The following RNF144B variants were observed in gnomAD, a reference collection of about 807,000 sequenced individuals.
RNF144B encodes ring finger protein 144B.
Under a neutral mutation model 40.2 loss-of-function variants are expected in RNF144B, and 25 were observed. The ratio of observed to expected loss-of-function variants is 0.62; its 90% CI spans 0.45 to 0.87. The LOEUF (loss-of-function observed/expected upper bound fraction) is 0.87. Among genes scored for constraint, RNF144B ranks in the 40% least tolerant of loss-of-function variants. The pLI, the probability that RNF144B is intolerant of heterozygous loss-of-function variation, is 0.00. For missense variants in RNF144B, 365 were observed against 373.7 expected, an observed-to-expected ratio of 0.98 and a Z score of 0.19; for synonymous variants, 145 against 136.3, an observed-to-expected ratio of 1.06 and a Z score of -0.44.
At chr6:18,445,672 G>A (rs1759065864) in intron 4 of RNF144B, among the ~76,000 whole-genome samples, 1 of 152,044 alleles carries the variant, frequency 6.6e-6, no homozygotes, top group African/African-American at 2.4e-5. Flanking sequence ...CTATTATTTA[G>A]GGGCTGACTT....
rs1562059264 is a variant in RNF144B, at chr6:18,456,433, C to CT, written c.332-717dup. Among the ~76,000 whole-genome samples the CT allele has an allele frequency of 6.6e-6, 1 of 152,188 alleles. No individual in the cohort carries two copies. Among genetic ancestry groups the CT allele is most frequent in the Non-Finnish European group, 1.5e-5 (1 of 68,022 alleles). On this transcript the variant is annotated intron_variant, in intron 4 of 7. Transcript: ENST00000259939. This position sits in a 1 kb window ranked among gnomAD's most constrained non-coding sequence, Gnocchi z 4.7. The stretch of plus-strand genomic sequence containing the variant: ...TTCTCAGTGCCTGAAAGGACAAAGT[C>CT]TTTTTGGAAAAATATCTTATTAAAA...
intron 3 of RNF144B, among the ~76,000 whole-genome samples, chr6:18,435,619 G>A (rs1758799230): frequency 6.6e-6 from 1 of 152,134 alleles, no homozygotes; most frequent in Non-Finnish European, 1.5e-5. Flanking sequence ...CAAGGTAATT[G>A]TTAATTCCAA....
In RNF144B at chr6:18,465,277, T is replaced by C; in HGVS notation, c.*210T>C. On this transcript the variant is annotated 3_prime_UTR_variant, in exon 8 of 8. Transcript: ENST00000259939. ...GTGTAACAAGAACTGGGCTCAACGG[T>C]CCAGCTGTTTCTATGGAGCTTTGGG... 1 of 573,258 alleles carries C rather than the reference T, an allele frequency of 1.7e-6. No individual in the cohort carries two copies. The highest frequency in any genetic ancestry group is 3.1e-6 in the Non-Finnish European group (1 of 322,500). The allele number at this position is 573,258 out of a possible 1,614,324, so 35.5% of individuals were successfully genotyped here. A position where few individuals can be genotyped will look rare whatever the true frequency, so the allele number is the denominator to read the frequency against.
chr6:18,431,644 G>A (rs1260757017), intron 3 of RNF144B, among the ~76,000 whole-genome samples: 1 of 152,204 alleles, frequency 6.6e-6, no homozygotes, highest in Non-Finnish European at 1.5e-5. Flanking sequence ...TACTTTGCTT[G>A]TTAAAAATAA....
rs1033461525 is a variant in RNF144B, at chr6:18,444,488, G to A, written c.331+4744G>A. 6.6e-6 allele frequency among the ~76,000 whole-genome samples: 1 copy of A among 152,062 alleles called. No homozygotes were observed. The highest frequency in any genetic ancestry group is 1.5e-5 in the Non-Finnish European group (1 of 68,006). On this transcript the variant is annotated intron_variant, in intron 4 of 7. Transcript: ENST00000259939. This position sits in a 1 kb window ranked among gnomAD's most constrained non-coding sequence, Gnocchi z 4.3. ...AGTTTTTTTTTGAAAATTGGGTTAA[G>A]ATGATCCATCTTGAGTTCTTACGCA...
rs1759129283 is a variant in RNF144B, at chr6:18,448,318, A to G, written c.331+8574A>G. Among the ~76,000 whole-genome samples the G allele has an allele frequency of 6.6e-6, 1 of 152,026 alleles. No individual in the cohort carries two copies. The highest frequency in any genetic ancestry group is 1.5e-5 in the Non-Finnish European group (1 of 68,002). On this transcript the variant is annotated intron_variant, in intron 4 of 7. Transcript: ENST00000259939. This position sits in a 1 kb window ranked among gnomAD's most constrained non-coding sequence, Gnocchi z 4.0. Reference sequence around the variant, plus strand: ...ATTTACTTGGGGGTAGGTTTAGGTCATCTCTATCAGGAAAGAAGGTGGAGA... The same window carrying G: ...ATTTACTTGGGGGTAGGTTTAGGTCGTCTCTATCAGGAAAGAAGGTGGAGA...
chr6:18,424,069 TTTTC>T (rs1157965471), intron 2 of RNF144B, among the ~76,000 whole-genome samples: 4 of 152,254 alleles, frequency 2.6e-5, no homozygotes, highest in Non-Finnish European at 4.4e-5. Context: ...TTTGTTTTCA[TTTTC>T]TTTGTTTCTC....
chr6:18,411,065 A>G (rs1330372590), intron 2 of RNF144B, among the ~76,000 whole-genome samples: 1 of 150,740 alleles, frequency 6.6e-6, no homozygotes, highest in Non-Finnish European at 1.5e-5. Context: ...GCTCACTGCA[A>G]CCTCCGCCTC....
At chr6:18,439,803 A>G (rs911307185) in intron 4 of RNF144B, 59 bp downstream of exon 4, 19 of 1,143,782 alleles carry the variant, frequency 1.7e-5, no homozygotes, top group Admixed American at 1.5e-4. Context: ...TCATTTTTAC[A>G]CTAACCCACA....
intron 3 of RNF144B, among the ~76,000 whole-genome samples, chr6:18,438,897 TTTAAG>T (rs1409135203): frequency 1.3e-5 from 2 of 152,186 alleles, no homozygotes; most frequent in African/African-American, 4.8e-5. Context: ...TATATAAATC[TTTAAG>T]TTATGTCAAT....
At position 18,405,670 on chromosome 6, in the gene RNF144B, A is replaced by G. The variant is rs776671273; in HGVS notation, c.165+5971A>G. Among the ~76,000 whole-genome samples the G allele has an allele frequency of 2.0e-5, 3 of 152,198 alleles. No individual in the cohort carries two copies. Among genetic ancestry groups the G allele is most frequent in the African/African-American group, 7.2e-5 (3 of 41,440 alleles). On this transcript the variant is annotated intron_variant, in intron 2 of 7. Transcript: ENST00000259939. This position sits in a 1 kb window ranked among gnomAD's most constrained non-coding sequence, Gnocchi z 4.5. Reference sequence around the variant, plus strand: ...TTACAATGCCGATTTTATTGGCACTATATTTTTCCACTGACAACGGAGCCA... The same window carrying G: ...TTACAATGCCGATTTTATTGGCACTGTATTTTTCCACTGACAACGGAGCCA...
rs144227509 is a variant in RNF144B, at chr6:18,460,626, GCT to G, written c.681+888_681+889del. Among the ~76,000 whole-genome samples, 1 of 150,756 alleles carries G rather than the reference GCT, an allele frequency of 6.6e-6. No individual in the cohort carries two copies. ...CATGCTCTCTTGCATGCTCTCACTC[GCT>G]CTCTCTCTCTCTTGTTCATGAGCAT... is the stretch of plus-strand genomic sequence containing the variant. On this transcript the variant is annotated intron_variant, in intron 6 of 7. Transcript: ENST00000259939. The surrounding 1 kb of genome is among the most constrained non-coding windows in gnomAD (Gnocchi z 4.4).
intron 2 of RNF144B, among the ~76,000 whole-genome samples, chr6:18,421,076 G>A (rs571623530): frequency 3.3e-5 from 5 of 151,870 alleles, no homozygotes; most frequent in South Asian, 2.1e-4. Flanking sequence ...GCAACATGGC[G>A]AAACTCTGTC....
chr6:18,387,982 AAT>A (rs1218422817), intron 1 of RNF144B, among the ~76,000 whole-genome samples: 1 of 152,188 alleles, frequency 6.6e-6, no homozygotes, highest in East Asian at 1.9e-4. Context: ...TTTATCAGGT[AAT>A]TGCTAATGAA....
At chr6:18,453,555 G>A (rs1006804308) in intron 4 of RNF144B, among the ~76,000 whole-genome samples, 3 of 152,038 alleles carry the variant, frequency 2.0e-5, no homozygotes, top group Admixed American at 6.6e-5. Context: ...CTGTATGAAT[G>A]TATATTATTT....
chr6:18,458,698 A>C lies in RNF144B; in HGVS notation c.537-909A>C, dbSNP rs1759388903. On this transcript the variant is annotated intron_variant, in intron 5 of 7. Coordinates refer to ENST00000259939, the MANE Select transcript of RNF144B (RefSeq NM_182757.4). The surrounding 1 kb of genome is among the most constrained non-coding windows in gnomAD (Gnocchi z 4.8). ...GAGTCTGTTTCCCTATCTGAAAATAAGGGAATTAAGATACAAGTTGAGCAT... is the reference window on the plus strand; with the variant it reads ...GAGTCTGTTTCCCTATCTGAAAATACGGGAATTAAGATACAAGTTGAGCAT... Among the ~76,000 whole-genome samples, 1 of 152,226 alleles carries C rather than the reference A, an allele frequency of 6.6e-6. No homozygotes were observed. Among genetic ancestry groups the C allele is most frequent in the Non-Finnish European group, 1.5e-5 (1 of 68,036 alleles).
intron 2 of RNF144B, among the ~76,000 whole-genome samples, chr6:18,426,364 C>T (rs1167838827): frequency 6.6e-6 from 1 of 152,100 alleles, no homozygotes; most frequent in Non-Finnish European, 1.5e-5. Context: ...AAAGGTTTAC[C>T]GATTATGAGC....
rs12525285 is a variant in RNF144B, at chr6:18,434,753, C to T, written c.271-4931C>T. 0.13 allele frequency among the ~76,000 whole-genome samples: 19,386 copies of T among 152,120 alleles called. 1,392 individuals are homozygous for T. The highest frequency in any genetic ancestry group is 0.19 in the Admixed American group (2,973 of 15,296). ...TCTGCTGCCTCAGCCTCCTGAGTAG[C>T]TGGGACTACAGGCGCCTGCTACCAC... is the stretch of plus-strand genomic sequence containing the variant. On this transcript the variant is annotated intron_variant, in intron 3 of 7. Coordinates refer to ENST00000259939, the MANE Select transcript of RNF144B (RefSeq NM_182757.4). The surrounding 1 kb of genome is among the most constrained non-coding windows in gnomAD (Gnocchi z 4.1).
rs1474164581 is a variant in RNF144B at position 18,406,760 on chromosome 6, G to A, written c.165+7061G>A. 6.6e-6 allele frequency among the ~76,000 whole-genome samples: 1 copy of A among 151,974 alleles called. No homozygotes were observed. The highest frequency in any genetic ancestry group is 2.4e-5 in the African/African-American group (1 of 41,362). ...GGATGATGCCTGCTCGCAATGGGGA[G>A]GGTAAACTGCTTTACTCAGTTTACC... On this transcript the variant is annotated intron_variant, in intron 2 of 7. Coordinates refer to ENST00000259939, the MANE Select transcript of RNF144B (RefSeq NM_182757.4). The surrounding 1 kb of genome is among the most constrained non-coding windows in gnomAD (Gnocchi z 4.2).
Sources: gnomAD v4.1 joint callset for allele counts (sites outside exome capture counted in the v4.1 genomes callset) on GRCh38, gnomAD v4.1.1 for gene constraint, Gnocchi (gnomAD v3.1) non-coding constraint, MANE v1.5 for transcripts, NCBI Gene and HGNC (gene_info 2026-07-23, HGNC 2026-07-21) for gene names.